CNTN5: variants seen among roughly 807,000 people sequenced by gnomAD.
CNTN5 encodes contactin-5.
A neutral mutation model predicts 129.1 loss-of-function variants in CNTN5; 77 were observed. The observed-to-expected ratio is 0.60, with a 90% CI of 0.50 to 0.72. The LOEUF is 0.72. Ranked by LOEUF, CNTN5 falls within the 30% of genes least tolerant of loss-of-function variation. The pLI, the probability that CNTN5 is intolerant of heterozygous loss-of-function variation, is 0.00. For missense variants in CNTN5, 1,478 were observed against 1,328.8 expected, an observed-to-expected ratio of 1.11 and a Z score of -1.75; for synonymous variants, 509 against 465.6, an observed-to-expected ratio of 1.09 and a Z score of -1.20.
At chr11:100,048,278 C>G (rs975966076) in intron 9 of CNTN5, among the ~76,000 whole-genome samples, 24 of 148,554 alleles carry the variant, frequency 1.6e-4, no homozygotes, top group Admixed American at 4.7e-4. Context: ...CTCAAACTTT[C>G]AACTTCAAAT....
At chr11:99,641,779 TCC>T (rs1224047985) in intron 3 of CNTN5, among the ~76,000 whole-genome samples, 4 of 152,118 alleles carry the variant, frequency 2.6e-5, no homozygotes, top group Non-Finnish European at 4.4e-5. Context: ...CAGCTTAGCT[TCC>T]CTCCCTTTGC....
At chr11:99,909,770 A>T (rs900680502) in intron 6 of CNTN5, among the ~76,000 whole-genome samples, 6 of 151,078 alleles carry the variant, frequency 4.0e-5, no homozygotes, top group African/African-American at 1.2e-4. Context: ...ATGAGAACAC[A>T]TGGACACAGG....
intron 2 of CNTN5, among the ~76,000 whole-genome samples, chr11:99,380,986 A>G (rs1054197836): frequency 6.6e-6 from 1 of 152,078 alleles, no homozygotes; most frequent in Non-Finnish European, 1.5e-5. Flanking sequence ...CCAAAATCTG[A>G]GTCCCATTCC....
chr11:99,703,530 A>G (rs554413197), intron 3 of CNTN5, among the ~76,000 whole-genome samples: 33 of 150,978 alleles, frequency 2.2e-4, no homozygotes, highest in African/African-American at 7.2e-4. Context: ...AATCTTCACA[A>G]TAGTCTTACG....
chr11:99,350,286 A>T (rs1938204514), intron 2 of CNTN5, among the ~76,000 whole-genome samples: 1 of 152,178 alleles, frequency 6.6e-6, no homozygotes, highest in Non-Finnish European at 1.5e-5. Flanking sequence ...AATGCCTAAA[A>T]TTTTTTTAAA....
chr11:99,031,044 G>A (rs1426597032), intron 1 of CNTN5, among the ~76,000 whole-genome samples: 5 of 151,866 alleles, frequency 3.3e-5, no homozygotes, highest in South Asian at 2.1e-4. Flanking sequence ...TGATCCGCCC[G>A]TCTCGGCCTC....
intron 1 of CNTN5, among the ~76,000 whole-genome samples, chr11:99,096,582 CAA>C (rs575674854): frequency 1.3e-5 from 2 of 151,720 alleles, no homozygotes; most frequent in Non-Finnish European, 3.0e-5. Flanking sequence ...ATAGGAAAAA[CAA>C]GTGGTAAAAT....
At chr11:100,010,616 T>A (rs941076243) in intron 9 of CNTN5, among the ~76,000 whole-genome samples, 3 of 144,572 alleles carry the variant, frequency 2.1e-5, no homozygotes, top group African/African-American at 7.8e-5. Flanking sequence ...CTCCTGGCAG[T>A]GTAGAAATGT....
intron 3 of CNTN5, among the ~76,000 whole-genome samples, chr11:99,640,386 G>C (rs750933533): frequency 6.6e-6 from 1 of 152,144 alleles, no homozygotes; most frequent in Non-Finnish European, 1.5e-5. Flanking sequence ...GGAGGCAAAA[G>C]AGAAAATGAG....
intron 4 of CNTN5, among the ~76,000 whole-genome samples, chr11:99,825,956 C>G (rs954991019): frequency 6.6e-6 from 1 of 152,070 alleles, no homozygotes; most frequent in African/African-American, 2.4e-5. Flanking sequence ...TTCAAATGTG[C>G]AAAATCCAGC....
intron 18 of CNTN5, among the ~76,000 whole-genome samples, chr11:100,280,373 A>G (rs1289629196): frequency 1.1e-4 from 17 of 151,884 alleles, no homozygotes; most frequent in East Asian, 5.8e-4. Context: ...CATTGAGTGC[A>G]CATGTATTTC....
intron 1 of CNTN5, among the ~76,000 whole-genome samples, chr11:99,062,293 A>C (rs1355717084): frequency 1.3e-5 from 2 of 152,166 alleles, no homozygotes; most frequent in Non-Finnish European, 2.9e-5. Flanking sequence ...CAAAAGGGAC[A>C]ATTATAATTG....
chr11:99,879,646 A>G (rs1948721988), intron 6 of CNTN5, among the ~76,000 whole-genome samples: 1 of 152,176 alleles, frequency 6.6e-6, no homozygotes, highest in Non-Finnish European at 1.5e-5. Flanking sequence ...CCTAAATTTT[A>G]AAACACTGCT....
chr11:99,692,246 G>T (rs1252746327), intron 3 of CNTN5, among the ~76,000 whole-genome samples: 1 of 152,036 alleles, frequency 6.6e-6, no homozygotes, highest in Non-Finnish European at 1.5e-5. Context: ...TTACATTCAA[G>T]GTTATTGTTA....
At chr11:99,945,876 T>C (rs1427241502) in intron 7 of CNTN5, among the ~76,000 whole-genome samples, 3 of 152,102 alleles carry the variant, frequency 2.0e-5, no homozygotes, top group African/African-American at 7.2e-5. Context: ...TTCATGTCAC[T>C]CTACTATAAT....
chr11:100,131,688 A>T (rs1380815679), intron 13 of CNTN5, among the ~76,000 whole-genome samples: 1 of 152,092 alleles, frequency 6.6e-6, no homozygotes, highest in Non-Finnish European at 1.5e-5. Context: ...AACAAAAGGC[A>T]TGTCTGAAAA....
intron 1 of CNTN5, among the ~76,000 whole-genome samples, chr11:99,071,031 T>A (rs897069358): frequency 6.6e-6 from 1 of 152,156 alleles, no homozygotes; most frequent in African/African-American, 2.4e-5. Context: ...TTGTTGCTGT[T>A]GCTGACCTTG....
intron 1 of CNTN5, among the ~76,000 whole-genome samples, chr11:99,041,608 C>T (rs961370457): frequency 6.6e-6 from 1 of 152,062 alleles, no homozygotes; most frequent in Non-Finnish European, 1.5e-5. Context: ...ATTGATTGCC[C>T]TCATTAAGTA....
At chr11:99,173,885 G>C (rs1857645884) in intron 1 of CNTN5, among the ~76,000 whole-genome samples, 1 of 152,162 alleles carries the variant, frequency 6.6e-6, no homozygotes, top group East Asian at 1.9e-4. Flanking sequence ...CCTAAGCAAG[G>C]ATGGTGGCTC....
Sources: gnomAD v4.1 joint callset for allele counts (sites outside exome capture counted in the v4.1 genomes callset) on GRCh38, gnomAD v4.1.1 for gene constraint, MANE v1.5 for transcripts, NCBI Gene and HGNC (gene_info 2026-07-23, HGNC 2026-07-21) for gene names.